PARD3B: variants seen among roughly 807,000 people sequenced by gnomAD.
PARD3B encodes partitioning defective 3 homolog B.
PARD3B carries 103 observed loss-of-function variants against 130.2 expected under a neutral mutation model. The ratio of observed to expected loss-of-function variants is 0.79; its 90% CI spans 0.67 to 0.93. The LOEUF (loss-of-function observed/expected upper bound fraction) is 0.93. PARD3B is among the 40% of genes least tolerant of loss of function. The pLI is 0.00. For synonymous variants in PARD3B, 583 were observed against 553.2 expected, an observed-to-expected ratio of 1.05 and a Z score of -0.76; for missense variants, 1,609 against 1,499.2, an observed-to-expected ratio of 1.07 and a Z score of -1.21.
intron 22 of PARD3B, among the ~76,000 whole-genome samples, chr2:205,612,869 C>G (rs970271866): frequency 1.3e-5 from 2 of 152,202 alleles, no homozygotes; most frequent in African/African-American, 4.8e-5. Flanking sequence ...AAGCCTCCCC[C>G]TCACTGTGAG....
Position 205,057,597 on chromosome 2 carries a change from A to G in PARD3B, c.504+9907A>G, listed in dbSNP as rs536875805. Among the ~76,000 whole-genome samples, 3 of 113,432 alleles carry G rather than the reference A, an allele frequency of 2.6e-5. No individual in the cohort carries two copies. In the South Asian group the frequency reaches 7.6e-4, roughly 29 times the overall value. The allele number at this position is 113,432 out of a possible 152,430, so 74.4% of individuals were successfully genotyped here. A position where few individuals can be genotyped will look rare whatever the true frequency, so the allele number is the denominator to read the frequency against. On this transcript the variant is annotated intron_variant, in intron 4 of 22. Transcript: ENST00000406610. ...TATGTGTATGTGTATACGTATATAT[A>G]CATATATGTGTATGTGTATGTGTAT...
At chr2:204,605,267 C>T (rs904537822) in intron 1 of PARD3B, among the ~76,000 whole-genome samples, 1 of 152,172 alleles carries the variant, frequency 6.6e-6, no homozygotes, top group African/African-American at 2.4e-5. Context: ...TAGCAAAGAA[C>T]TCACAGCCAT....
rs1574509663 is a variant in PARD3B at position 204,590,591 on chromosome 2, C to T, written c.120+44472C>T. ...GGGATGGGGAGAAAGGAGCTGGGAA[C>T]ATATGAGAAGGACCTCTTTGTCTTG... is the stretch of plus-strand genomic sequence containing the variant. On this transcript the variant is annotated intron_variant, in intron 1 of 22. Transcript: ENST00000406610. Among the ~76,000 whole-genome samples, 4 of 152,122 alleles carry T rather than the reference C, an allele frequency of 2.6e-5. No homozygotes were observed. In the South Asian group the frequency reaches 8.3e-4, roughly 32 times the overall value.
At position 204,645,866 on chromosome 2, in the gene PARD3B, G is replaced by T. The variant is rs72492707; in HGVS notation, c.121-40315G>T. 3.3e-3 allele frequency among the ~76,000 whole-genome samples: 500 copies of T among 152,074 alleles called. 5 individuals carry two copies. In the East Asian group the frequency reaches 0.047, roughly 14 times the overall value. ...GGAAGTATAATATTTTTAAGATAAG[G>T]TATCTGGATAATCAATGTATTTTCA... On this transcript the variant is annotated intron_variant, in intron 1 of 22. Transcript: ENST00000406610.
chr2:204,909,314 CACAT>C (rs1005436710), intron 2 of PARD3B, among the ~76,000 whole-genome samples: 1 of 152,138 alleles, frequency 6.6e-6, no homozygotes, highest in Non-Finnish European at 1.5e-5. Context: ...GATGCACACA[CACAT>C]ACAGATGTTT....
intron 15 of PARD3B, among the ~76,000 whole-genome samples, 160 bp downstream of exon 15, chr2:205,193,480 G>A (rs755946174): frequency 7.2e-5 from 11 of 152,152 alleles, no homozygotes; most frequent in African/African-American, 2.2e-4. Context: ...CTATCTCTTC[G>A]CACATTTAAT....
At chr2:204,837,048 A>G (rs956600483) in intron 2 of PARD3B, among the ~76,000 whole-genome samples, 1 of 152,178 alleles carries the variant, frequency 6.6e-6, no homozygotes, top group Non-Finnish European at 1.5e-5. Context: ...ACCCAATGAG[A>G]TAGTTCACCT....
At chr2:204,833,888 C>T (rs1575096839) in intron 2 of PARD3B, among the ~76,000 whole-genome samples, 1 of 152,078 alleles carries the variant, frequency 6.6e-6, no homozygotes. Flanking sequence ...ACCCACAAGC[C>T]CGGAGTGTCC....
At chr2:205,412,947 T>G (rs950252220) in intron 19 of PARD3B, among the ~76,000 whole-genome samples, 1 of 152,170 alleles carries the variant, frequency 6.6e-6, no homozygotes, top group African/African-American at 2.4e-5. Flanking sequence ...AGGAATGTTG[T>G]GAGAATTAAA....
chr2:205,181,845 G>A (rs1459363471), intron 13 of PARD3B, among the ~76,000 whole-genome samples: 1 of 152,158 alleles, frequency 6.6e-6, no homozygotes, highest in Non-Finnish European at 1.5e-5. Flanking sequence ...TGACCATCAA[G>A]AAGACTGTAC....
At chr2:204,839,234 A>C (rs1041391729) in intron 2 of PARD3B, among the ~76,000 whole-genome samples, 1 of 152,206 alleles carries the variant, frequency 6.6e-6, no homozygotes, top group African/African-American at 2.4e-5. Flanking sequence ...AGGAGGCACA[A>C]AATCTGTGCT....
intron 2 of PARD3B, among the ~76,000 whole-genome samples, chr2:204,763,449 G>A (rs1479596159): frequency 6.7e-6 from 1 of 149,568 alleles, no homozygotes; most frequent in Non-Finnish European, 1.5e-5. Context: ...GGCTGGATTA[G>A]CAAAAGACTC....
At chr2:205,238,451 T>C (rs1318092464) in intron 15 of PARD3B, among the ~76,000 whole-genome samples, 1 of 152,126 alleles carries the variant, frequency 6.6e-6, no homozygotes, top group Non-Finnish European at 1.5e-5. Context: ...TAAATTTTTT[T>C]AATAAATAAA....
intron 18 of PARD3B, among the ~76,000 whole-genome samples, chr2:205,332,172 G>A (rs974790793): frequency 6.6e-6 from 1 of 152,130 alleles, no homozygotes; most frequent in South Asian, 2.1e-4. Flanking sequence ...ATTTTCTGTG[G>A]GCCCTCTGTC....
intron 2 of PARD3B, among the ~76,000 whole-genome samples, chr2:204,956,730 G>A (rs1386454367): frequency 6.6e-6 from 1 of 152,148 alleles, no homozygotes; most frequent in Non-Finnish European, 1.5e-5. Context: ...TTTAACTCAA[G>A]TTTTTTATTT....
rs532755855 is a variant in PARD3B, at chr2:205,183,215, A to G, written c.1925-2549A>G. On this transcript the variant is annotated intron_variant, in intron 13 of 22. Coordinates refer to ENST00000406610, the MANE Select transcript of PARD3B (RefSeq NM_001302769.2). The surrounding 1 kb of genome is among the most constrained non-coding windows in gnomAD (Gnocchi z 5.2). ...GAACACCCAGGGGTGTTGGCAGGGA[A>G]TGGTAAGCTAACGGGTAATGGGAGA... 2.0e-5 allele frequency among the ~76,000 whole-genome samples: 3 copies of G among 152,232 alleles called. No individual in the cohort carries two copies. The South Asian group carries it at 6.2e-4, about 32-fold the overall frequency.
chr2:204,688,578 T>TAAAAAAA (rs568862087), intron 2 of PARD3B, among the ~76,000 whole-genome samples: 1 of 94,590 alleles, frequency 1.1e-5, no homozygotes, highest in African/African-American at 3.6e-5. Context: ...AGACTCCATC[T>TAAAAAAA]AAAAAAAAAA....
At chr2:205,319,531 A>G (rs370933243) in intron 18 of PARD3B, among the ~76,000 whole-genome samples, 1 of 152,168 alleles carries the variant, frequency 6.6e-6, no homozygotes, top group Non-Finnish European at 1.5e-5. Flanking sequence ...GGCAGAGTAT[A>G]CCTGGATGGA....
At chr2:205,356,461 C>G (rs1178373560) in intron 18 of PARD3B, among the ~76,000 whole-genome samples, 1 of 152,118 alleles carries the variant, frequency 6.6e-6, no homozygotes, top group Non-Finnish European at 1.5e-5. Context: ...AGGCAATCCT[C>G]CACCTCAGCC....
Sources: gnomAD v4.1 joint callset for allele counts (sites outside exome capture counted in the v4.1 genomes callset) on GRCh38, gnomAD v4.1.1 for gene constraint, Gnocchi (gnomAD v3.1) non-coding constraint, MANE v1.5 for transcripts, NCBI Gene and HGNC (gene_info 2026-07-23, HGNC 2026-07-21) for gene names.